The following JOSD1 variants were observed in gnomAD, a reference collection of about 807,000 sequenced individuals.
JOSD1 encodes the protein josephin-1.
A neutral mutation model predicts 24.3 loss-of-function variants in JOSD1; 11 were observed. That is an observed-to-expected ratio of 0.45 (90% CI 0.29 to 0.75). The LOEUF (loss-of-function observed/expected upper bound fraction) is 0.75. JOSD1 is among the 30% of genes least tolerant of loss of function. The probability of loss-of-function intolerance (pLI) is 0.11; values close to 1 mark genes in which losing one functional copy is unlikely to be tolerated. For synonymous variants in JOSD1, 106 were observed against 93.8 expected (o/e 1.13, Z -0.75); for missense variants, 184 against 253.5 (o/e 0.73, Z 1.86).
intron 2 of JOSD1, among the ~76,000 whole-genome samples, chr22:38,695,912 C>T (rs1047236732): frequency 1.2e-4 from 19 of 152,082 alleles, no homozygotes; most frequent in South Asian, 2.1e-4. Context: ...TAAAATTAGC[C>T]GGATGTGGTG....
chr22:38,695,014 A>T (rs2092539015), intron 2 of JOSD1, among the ~76,000 whole-genome samples: 1 of 152,174 alleles, frequency 6.6e-6, no homozygotes, highest in East Asian at 1.9e-4. Context: ...AAAAGGAGAT[A>T]GGAGACATTT....
intron 1 of JOSD1, 86 bp from the exon 2 acceptor site, chr22:38,700,704 C>G: frequency 1.0e-6 from 1 of 978,778 alleles, no homozygotes; most frequent in Non-Finnish European, 1.2e-6. Context: ...GGGAAGGTTC[C>G]GCGCGGCGAA....
chr22:38,694,512 C>G (rs1358832892), intron 2 of JOSD1, among the ~76,000 whole-genome samples: 1 of 152,174 alleles, frequency 6.6e-6, no homozygotes, highest in Non-Finnish European at 1.5e-5. Context: ...AAGTGAGCCT[C>G]TCACTTCTGT....
chr22:38,698,927 T>C (rs1471658452), intron 2 of JOSD1, among the ~76,000 whole-genome samples: 1 of 152,110 alleles, frequency 6.6e-6, no homozygotes, highest in Non-Finnish European at 1.5e-5. Flanking sequence ...GGGCTAATTT[T>C]TGTATTTTTA....
In JOSD1 at chr22:38,694,646, A is replaced by G. The variant is rs553851450; in HGVS notation, c.185+5157T>C. 7.9e-5 allele frequency among the ~76,000 whole-genome samples: 12 copies of G among 152,124 alleles called. No individual in the cohort carries two copies. The South Asian group carries it at 2.3e-3, about 29-fold the overall frequency. On this transcript the variant is annotated intron_variant, in intron 2 of 4. Transcript: ENST00000683374. ...GGGAGGCCGAGGTGGACGGTTCATG[A>G]GGTCAGAAGATCGAGACCATCTTGG...
At chr22:38,692,832 T>C (rs1205949411) in intron 2 of JOSD1, among the ~76,000 whole-genome samples, 1 of 119,560 alleles carries the variant, frequency 8.4e-6, no homozygotes, top group Non-Finnish European at 1.8e-5. Context: ...ACAGAACACA[T>C]ATGAAAGAAG....
intron 4 of JOSD1, 23 bp downstream of exon 4, chr22:38,688,912 T>TA (rs1268368085): frequency 2.9e-5 from 46 of 1,599,242 alleles, no homozygotes; most frequent in Non-Finnish European, 3.7e-5. Flanking sequence ...CCTAGCAACT[T>TA]AGTCACAAAA....
At chr22:38,700,974 G>C, upstream of JOSD1, 1 of 984,672 alleles carries the variant, frequency 1.0e-6, no homozygotes, top group Non-Finnish European at 1.2e-6. Flanking sequence ...ACCTGAGCCC[G>C]ACGTCAGCGG....
chr22:38,689,544 C>G, intron 2 of JOSD1, 120 bp from the exon 3 acceptor site: 2 of 1,303,246 alleles, frequency 1.5e-6, no homozygotes, highest in Non-Finnish European at 2.1e-6. Flanking sequence ...TCCCCACATT[C>G]AAGTGCAATT....
chr22:38,689,042 G>A lies in JOSD1; in HGVS notation c.402C>T (p.Pro134=), dbSNP rs367996084. ...SSLCWGPLKL[P]LKRQHWICVR... The stretch of plus-strand genomic sequence containing the variant: ...CACAGATCCAGTGCTGCCTTTTGAG[G>A]GGCAGTTTCAGTGGACCCCAGCATA... Residue 134 remains proline (P), a synonymous_variant, in exon 4 of 5, where the codon CCC becomes CCT. Coordinates refer to ENST00000683374, the MANE Select transcript of JOSD1 (RefSeq NM_001360236.2). 9.9e-6 allele frequency: 16 copies of A among 1,614,188 alleles called. No homozygotes were observed. Among genetic ancestry groups the A allele is most frequent in the South Asian group, 2.2e-5 (2 of 91,084 alleles).
chr22:38,696,730 CCT>C (rs1377492680), intron 2 of JOSD1, among the ~76,000 whole-genome samples: 1 of 152,202 alleles, frequency 6.6e-6, no homozygotes, highest in Non-Finnish European at 1.5e-5. Flanking sequence ...ACACCTGACT[CCT>C]CTCTTCCTGT....
intron 2 of JOSD1, among the ~76,000 whole-genome samples, chr22:38,690,990 G>T (rs773060537): frequency 1.3e-5 from 2 of 152,142 alleles, no homozygotes; most frequent in African/African-American, 4.8e-5. Context: ...GCAGAGGCTG[G>T]ATGTCACCAC....
chr22:38,700,130 G>A lies in JOSD1; in HGVS notation c.-143C>T. On this transcript the variant is annotated 5_prime_UTR_variant, in exon 2 of 5. Coordinates refer to ENST00000683374, the MANE Select transcript of JOSD1 (RefSeq NM_001360236.2). ...CATGATTTATGCTTTGTCACTGGGA[G>A]AAAAGATTGGAATCAAAAGGAAAAA... 4.5e-6 allele frequency: 6 copies of A among 1,346,790 alleles called. No homozygotes were observed. In the South Asian group the frequency reaches 1.0e-4, roughly 24 times the overall value. The allele number at this position is 1,346,790 out of a possible 1,614,324, so 83.4% of individuals were successfully genotyped here.
chr22:38,698,642 C>A (rs1168923979), intron 2 of JOSD1, among the ~76,000 whole-genome samples: 1 of 152,210 alleles, frequency 6.6e-6, no homozygotes, highest in Non-Finnish European at 1.5e-5. Flanking sequence ...CAGGCAAGAT[C>A]ATCACCTGAG....
intron 2 of JOSD1, among the ~76,000 whole-genome samples, chr22:38,691,976 T>C (rs755056961): frequency 1.3e-4 from 20 of 152,354 alleles, no homozygotes; most frequent in Admixed American, 2.6e-4. Flanking sequence ...GAATGTTTGC[T>C]GAAATGTTCA....
At chr22:38,688,296 CTT>C (rs993176676) in intron 4 of JOSD1, among the ~76,000 whole-genome samples, 6 of 152,182 alleles carry the variant, frequency 3.9e-5, no homozygotes, top group African/African-American at 1.4e-4. Flanking sequence ...GAGTTTCGCT[CTT>C]GTCGCCTGGG....
At position 38,700,623 on chromosome 22, in the gene JOSD1, G is replaced by A. The variant is rs2092564637; in HGVS notation, c.-631-5C>T. 1 of 984,856 alleles carries A rather than the reference G, an allele frequency of 1.0e-6. No homozygotes were observed. Among genetic ancestry groups the A allele is most frequent in the South Asian group, 4.7e-5 (1 of 21,280 alleles). The allele number at this position is 984,856 out of a possible 1,614,324, so 61.0% of individuals were successfully genotyped here. On this transcript the variant is annotated splice_polypyrimidine_tract_variant and splice_region_variant and intron_variant, in intron 1 of 4. Coordinates refer to ENST00000683374, the MANE Select transcript of JOSD1 (RefSeq NM_001360236.2). ...TCTAGCCCTCTGGCCGCGGCCCTGC[G>A]GAGGAGGAGACAACTCCGGTCAGCG... is the stretch of plus-strand genomic sequence containing the variant.
At chr22:38,692,781 C>CAAAAA (rs61214432) in intron 2 of JOSD1, among the ~76,000 whole-genome samples, 14 of 44,938 alleles carry the variant, frequency 3.1e-4, no homozygotes, top group Non-Finnish European at 3.8e-4. Context: ...AACTCTGTCT[C>CAAAAA]AAAAAAAAAA....
chr22:38,699,671 G>C, intron 2 of JOSD1, 132 bp downstream of exon 2: 1 of 818,460 alleles, frequency 1.2e-6, no homozygotes, highest in Non-Finnish European at 2.0e-6. Flanking sequence ...TTCATGTCTT[G>C]TGTCCCTTAT....
Sources: gnomAD v4.1 joint callset for allele counts (sites outside exome capture counted in the v4.1 genomes callset) on GRCh38, gnomAD v4.1.1 for gene constraint, MANE v1.5 for transcripts, NCBI Gene and HGNC (gene_info 2026-07-23, HGNC 2026-07-21) for gene names.